MED4: variants seen among roughly 807,000 people sequenced by gnomAD.
The protein encoded by MED4 is mediator of RNA polymerase II transcription subunit 4.
A neutral mutation model predicts 35.0 loss-of-function variants in MED4; 21 were observed. The observed-to-expected ratio is 0.60, with a 90% CI of 0.43 to 0.86. MED4 has a LOEUF of 0.86. Ranked by LOEUF, MED4 falls within the 40% of genes least tolerant of loss-of-function variation. The pLI, the probability that MED4 is intolerant of heterozygous loss-of-function variation, is 0.00. For missense variants in MED4, 300 were observed against 319.4 expected (o/e 0.94, Z 0.46); for synonymous variants, 138 against 114.0 (o/e 1.21, Z -1.34).
At chr13:48,079,798 T>G in intron 6 of MED4, 46 bp downstream of exon 6, 1 of 1,587,364 alleles carries the variant, frequency 6.3e-7, no homozygotes, top group Non-Finnish European at 8.6e-7. Flanking sequence ...TTGTCATCTC[T>G]GGAAAACCCT....
At chr13:48,087,616 C>T (rs1404608933) in intron 2 of MED4, among the ~76,000 whole-genome samples, 2 of 152,028 alleles carry the variant, frequency 1.3e-5, no homozygotes, top group Admixed American at 1.3e-4. Flanking sequence ...CTTTGGGAGG[C>T]CGAGGTAGGC....
intron 2 of MED4, among the ~76,000 whole-genome samples, chr13:48,089,125 C>A (rs1950872390): frequency 6.6e-6 from 1 of 152,202 alleles, no homozygotes; most frequent in African/African-American, 2.4e-5. Flanking sequence ...CGGGTATTAA[C>A]AGAGTACCTG....
intron 2 of MED4, among the ~76,000 whole-genome samples, chr13:48,089,080 C>A (rs1262066687): frequency 6.6e-6 from 1 of 152,206 alleles, no homozygotes; most frequent in Non-Finnish European, 1.5e-5. Context: ...CATTTTACTT[C>A]TTGCATACTT....
At chr13:48,081,413 A>T (rs1950807242) in intron 5 of MED4, among the ~76,000 whole-genome samples, 1 of 152,198 alleles carries the variant, frequency 6.6e-6, no homozygotes, top group African/African-American at 2.4e-5. Flanking sequence ...TTATCAATTT[A>T]TTATTTCAAA....
chr13:48,077,615 T>C (rs1158609080), intron 6 of MED4: 4 of 168,646 alleles, frequency 2.4e-5, no homozygotes, highest in Non-Finnish European at 5.1e-5. Flanking sequence ...CTCACTATGT[T>C]AACCAGGCTG....
intron 1 of MED4, chr13:48,093,712 G>A (rs1032132651): frequency 3.5e-6 from 1 of 285,792 alleles, no homozygotes; most frequent in South Asian, 3.1e-5. Flanking sequence ...TTTAAACAGT[G>A]GATCAAACAC....
chr13:48,085,142 T>C (rs1406147403), intron 3 of MED4, among the ~76,000 whole-genome samples: 1 of 151,678 alleles, frequency 6.6e-6, no homozygotes, highest in African/African-American at 2.4e-5. Flanking sequence ...GTGCTGGGAT[T>C]ACAAGTGTGA....
chr13:48,082,772 C>T (rs990378458), intron 4 of MED4, among the ~76,000 whole-genome samples: 1 of 151,340 alleles, frequency 6.6e-6, no homozygotes, highest in Non-Finnish European at 1.5e-5. Flanking sequence ...GCTTGCAGTG[C>T]GCCGAGATCG....
chr13:48,078,881 T>C (rs918495050), intron 6 of MED4, among the ~76,000 whole-genome samples: 5 of 152,190 alleles, frequency 3.3e-5, no homozygotes, highest in Non-Finnish European at 7.3e-5. Context: ...AGCCTTATGA[T>C]GTAACATTAA....
At position 48,077,076 on chromosome 13, in the gene MED4, TG is replaced by T; in HGVS notation, c.*62del. ...TTGTCACCTGTAGTTTACATTTCCC[TG>T]CTACTGTTAAAGAAACAGAATTCTA... On this transcript the variant is annotated 3_prime_UTR_variant, in exon 7 of 7. Coordinates refer to ENST00000258648, the MANE Select transcript of MED4 (RefSeq NM_014166.4). 7.2e-7 allele frequency: 1 copy of T among 1,397,932 alleles called. No homozygotes were observed. 86.6% of individuals were successfully genotyped at this position (1,397,932 alleles called of 1,614,324 possible).
rs2137845790 is a variant in MED4 at position 48,094,977 on chromosome 13, A to G, written c.102T>C (p.Leu34=). ...NSTRERLLSA[L]EDLEVLSREL... is the part of the protein sequence containing the mutation. ...ACCTAGACAGGACCTCCAAGTCCTC[A>G]AGCGCAGACAGCAGCCGCTCTCGTG... The change falls in exon 1 of 7, where the codon CTT becomes CTC. Residue 34 remains leucine (L), a synonymous_variant. Transcript: ENST00000258648. 1 of 1,603,840 alleles carries G rather than the reference A, an allele frequency of 6.2e-7. No individual in the cohort carries two copies. The highest frequency in any genetic ancestry group is 2.2e-5 in the East Asian group (1 of 44,828).
chr13:48,089,948 T>C lies in MED4; in HGVS notation c.192+404A>G, dbSNP rs114738737. ...AGAGTTGTATGCTCTTTTATTTCCC[T>C]GCATGTTCAAGTTGCATTAGGGAAC... On this transcript the variant is annotated intron_variant, in intron 2 of 6. Coordinates refer to ENST00000258648, the MANE Select transcript of MED4 (RefSeq NM_014166.4). Among the ~76,000 whole-genome samples, 239 of 152,352 alleles carry C rather than the reference T, an allele frequency of 1.6e-3. 1 individual carries two copies. Among genetic ancestry groups the C allele is most frequent in the African/African-American group, 5.1e-3 (211 of 41,586 alleles).
rs202034042 is a variant in MED4 at position 48,086,349 on chromosome 13, T to G, written c.296A>C (p.Glu99Ala). Residue 99 changes from glutamate to alanine, a missense_variant, in exon 3 of 7, where the codon GAA becomes GCA. Transcript: ENST00000258648. ...IHHEMQVLEK[E>A]VEKRDSDIQQ... ...AATATCACTGTCTCTCTTCTCTACT[T>G]CTTTTTCTAAAACTTGCATTTCATG... 217 of 1,613,786 alleles carry G rather than the reference T, an allele frequency of 1.3e-4. 1 individual carries two copies. Among genetic ancestry groups the G allele is most frequent in the Non-Finnish European group, 1.8e-4 (212 of 1,179,904 alleles).
chr13:48,080,991 C>T (rs1175374122), intron 5 of MED4, among the ~76,000 whole-genome samples: 2 of 152,226 alleles, frequency 1.3e-5, no homozygotes, highest in African/African-American at 4.8e-5. Context: ...TCACCAACTG[C>T]AGCTTATCCA....
intron 4 of MED4, among the ~76,000 whole-genome samples, chr13:48,082,896 C>A (rs573296023): frequency 2.6e-5 from 4 of 152,028 alleles, no homozygotes; most frequent in African/African-American, 7.2e-5. Flanking sequence ...GGCAGGAAGG[C>A]ATGTGGGCCT....
At chr13:48,092,888 G>A (rs545711208) in intron 1 of MED4, among the ~76,000 whole-genome samples, 10 of 152,228 alleles carry the variant, frequency 6.6e-5, no homozygotes, top group Admixed American at 2.0e-4. Flanking sequence ...GGGAGCGTGA[G>A]TCCACAGAAG....
chr13:48,077,110 C>T lies in MED4; in HGVS notation c.*29G>A, dbSNP rs769547518. 8.6e-5 allele frequency: 133 copies of T among 1,539,186 alleles called. 2 individuals are homozygous for T. The South Asian group carries it at 1.5e-3, about 17-fold the overall frequency. ...TAAAGAAACAGAATTCTACAGTATT[C>T]AATTCTGTATATTGTCTTTTAAGGT... On this transcript the variant is annotated 3_prime_UTR_variant, in exon 7 of 7. Transcript: ENST00000258648.
In MED4 at chr13:48,083,423, T is replaced by C; in HGVS notation, c.369A>G (p.Thr123=). 1.2e-6 allele frequency: 2 copies of C among 1,612,322 alleles called. No homozygotes were observed. The highest frequency in any genetic ancestry group is 1.7e-6 in the Non-Finnish European group (2 of 1,179,534). ...GTTTCTCCTTCGCTTGGTAAACAGCTGTTGCCTAATTTAAACAACATTTAA... is the reference window on the plus strand; with the variant it reads ...GTTTCTCCTTCGCTTGGTAAACAGCCGTTGCCTAATTTAAACAACATTTAA... ...QLKEAEQILA[T]AVYQAKEKLK... Residue 123 remains threonine (T), a synonymous_variant, in exon 4 of 7, where the codon ACA becomes ACG. Coordinates refer to ENST00000258648, the MANE Select transcript of MED4 (RefSeq NM_014166.4).
intron 5 of MED4, 124 bp downstream of exon 5, chr13:48,081,521 G>T: frequency 1.8e-6 from 1 of 544,432 alleles, no homozygotes; most frequent in Non-Finnish European, 3.0e-6. Context: ...CATTAAAGAT[G>T]TGAAAATATG....
Sources: gnomAD v4.1 joint callset for allele counts (sites outside exome capture counted in the v4.1 genomes callset) on GRCh38, gnomAD v4.1.1 for gene constraint, MANE v1.5 for transcripts, NCBI Gene and HGNC (gene_info 2026-07-23, HGNC 2026-07-21) for gene names.